Variants in FBXL7 observed in about 807,000 individuals in gnomAD.
FBXL7 encodes the protein F-box and leucine rich repeat protein 7, also known as F-box/LRR-repeat protein 7.
FBXL7 carries 12 observed loss-of-function variants against 38.3 expected under a neutral mutation model. That is an observed-to-expected ratio of 0.31 (90% confidence interval 0.20 to 0.51). The LOEUF (loss-of-function observed/expected upper bound fraction) is 0.51. Ranked by LOEUF, FBXL7 falls within the 20% of genes least tolerant of loss-of-function variation. FBXL7 has a pLI of 0.98. For missense variants in FBXL7, 567 were observed against 676.4 expected (o/e 0.84, Z 1.79); for synonymous variants, 297 against 300.9 (o/e 0.99, Z 0.13).
At chr5:15,621,724 TCAGCTTTGGC>T (rs1740650208) in intron 2 of FBXL7, among the ~76,000 whole-genome samples, 1 of 152,044 alleles carries the variant, frequency 6.6e-6, no homozygotes, top group Non-Finnish European at 1.5e-5. Flanking sequence ...TGATAAAGAG[TCAGCTTTGGC>T]CAGCTGTTCT....
At chr5:15,721,323 TGTGA>T (rs1744188697) in intron 2 of FBXL7, among the ~76,000 whole-genome samples, 1 of 152,190 alleles carries the variant, frequency 6.6e-6, no homozygotes, top group African/African-American at 2.4e-5. Flanking sequence ...TACAGAGATC[TGTGA>T]GTATTACATC....
At chr5:15,805,106 C>T (rs1737673954) in intron 2 of FBXL7, among the ~76,000 whole-genome samples, 1 of 152,122 alleles carries the variant, frequency 6.6e-6, no homozygotes, top group Non-Finnish European at 1.5e-5. Context: ...ATAAGGACAC[C>T]AGTCACATTA....
intron 2 of FBXL7, among the ~76,000 whole-genome samples, chr5:15,807,990 G>A (rs1380199173): frequency 6.6e-6 from 1 of 152,120 alleles, no homozygotes; most frequent in Non-Finnish European, 1.5e-5. Context: ...GGCAGACAGG[G>A]CTCTGCCTGT....
chr5:15,516,756 G>A (rs988754267), intron 1 of FBXL7, among the ~76,000 whole-genome samples: 46 of 152,112 alleles, frequency 3.0e-4, no homozygotes, highest in African/African-American at 1.1e-3. Flanking sequence ...TAGTGAGTGA[G>A]TTCTCACGAG....
intron 1 of FBXL7, among the ~76,000 whole-genome samples, chr5:15,581,717 T>A (rs1739147275): frequency 6.6e-6 from 1 of 152,106 alleles, no homozygotes; most frequent in Non-Finnish European, 1.5e-5. Context: ...TTGGTCTGTC[T>A]CCTTCTTTCC....
chr5:15,501,721 A>G, intron 1 of FBXL7: 2 of 985,484 alleles, frequency 2.0e-6, no homozygotes, highest in Non-Finnish European at 2.4e-6. Context: ...GTGGCCACAG[A>G]ATGTGGGTGT....
At chr5:15,789,604 A>G (rs1026091116) in intron 2 of FBXL7, among the ~76,000 whole-genome samples, 2 of 152,128 alleles carry the variant, frequency 1.3e-5, no homozygotes, top group Non-Finnish European at 2.9e-5. Context: ...CTACCTTGAG[A>G]TCACAGCTTT....
At chr5:15,817,106 C>T (rs1245792521) in intron 2 of FBXL7, among the ~76,000 whole-genome samples, 1 of 152,180 alleles carries the variant, frequency 6.6e-6, no homozygotes, top group African/African-American at 2.4e-5. Flanking sequence ...AAATCGTTTA[C>T]TCTGACTGAA....
chr5:15,929,625 GAAAAAAA>G (rs60269538), intron 3 of FBXL7, among the ~76,000 whole-genome samples: 292 of 113,548 alleles, frequency 2.6e-3, no homozygotes, highest in African/African-American at 7.3e-3. Context: ...CCCTGTCTCT[GAAAAAAA>G]AAAAAAAAAA....
At chr5:15,682,871 T>C (rs1214731245) in intron 2 of FBXL7, among the ~76,000 whole-genome samples, 1 of 152,216 alleles carries the variant, frequency 6.6e-6, no homozygotes, top group Non-Finnish European at 1.5e-5. Flanking sequence ...AAAAATACTT[T>C]ATTGTCTGAG....
chr5:15,799,582 G>A (rs1039070424), intron 2 of FBXL7, among the ~76,000 whole-genome samples: 11 of 152,084 alleles, frequency 7.2e-5, no homozygotes, highest in African/African-American at 2.4e-4. Context: ...GGCTGGTCTC[G>A]AACTCCCAAC....
intron 2 of FBXL7, among the ~76,000 whole-genome samples, chr5:15,859,215 C>G (rs1739367648): frequency 6.6e-6 from 1 of 152,136 alleles, no homozygotes; most frequent in African/African-American, 2.4e-5. Flanking sequence ...GAACTGGGCC[C>G]AGGCTGCAGT....
In FBXL7 at chr5:15,500,567, G is replaced by T. The variant is rs1561006448; in HGVS notation, c.-110G>T. On this transcript the variant is annotated 5_prime_UTR_variant, in exon 1 of 4. Coordinates refer to ENST00000504595, the MANE Select transcript of FBXL7 (RefSeq NM_012304.5). ...GGAGGTCGGCCCCGGAGCTTGGGGG[G>T]GATGTGCAGCTAACGGTCCCGTCGG... 2.7e-6 allele frequency: 4 copies of T among 1,464,460 alleles called. No homozygotes were observed. Among genetic ancestry groups the T allele is most frequent in the South Asian group, 1.1e-5 (1 of 88,224 alleles). 90.7% of individuals were successfully genotyped at this position (1,464,460 alleles called of 1,614,324 possible). A position where few individuals can be genotyped will look rare whatever the true frequency, so the allele number is the denominator to read the frequency against.
At position 15,912,174 on chromosome 5, in the gene FBXL7, G is replaced by A. The variant is rs534659273; in HGVS notation, c.128-15716G>A. On this transcript the variant is annotated intron_variant, in intron 2 of 3. Transcript: ENST00000504595. ...TCAGACTGCCGTGCTAGCAATCAGC[G>A]AGATTCCGTGGGCGTAGGACCCTCT... Among the ~76,000 whole-genome samples, 23 of 62,504 alleles carry A rather than the reference G, an allele frequency of 3.7e-4. No homozygotes were observed. In the East Asian group the frequency reaches 7.1e-3, roughly 19 times the overall value. The allele number at this position is 62,504 out of a possible 152,430, so 41.0% of individuals were successfully genotyped here. A position where few individuals can be genotyped will look rare whatever the true frequency, so the allele number is the denominator to read the frequency against.
At chr5:15,790,836 G>T (rs1737254662) in intron 2 of FBXL7, among the ~76,000 whole-genome samples, 1 of 151,282 alleles carries the variant, frequency 6.6e-6, no homozygotes, top group Non-Finnish European at 1.5e-5. Flanking sequence ...ATGGACTCAA[G>T]ATGTTAATGA....
At chr5:15,596,599 C>T (rs1278005722) in intron 1 of FBXL7, among the ~76,000 whole-genome samples, 1 of 152,154 alleles carries the variant, frequency 6.6e-6, no homozygotes, top group Non-Finnish European at 1.5e-5. Context: ...ATTCCTATTC[C>T]AAACCCACAA....
At chr5:15,915,574 C>G (rs1261530671) in intron 2 of FBXL7, among the ~76,000 whole-genome samples, 1 of 152,198 alleles carries the variant, frequency 6.6e-6, no homozygotes, top group Non-Finnish European at 1.5e-5. Context: ...CTCCTCTTAA[C>G]CTAATACGTC....
At chr5:15,894,328 A>C (rs990808177) in intron 2 of FBXL7, among the ~76,000 whole-genome samples, 3 of 152,256 alleles carry the variant, frequency 2.0e-5, no homozygotes, top group Non-Finnish European at 4.4e-5. Flanking sequence ...CAGAAGGGTC[A>C]AATGGACTTC....
chr5:15,917,347 C>T (rs747410848), intron 2 of FBXL7, among the ~76,000 whole-genome samples: 4 of 152,114 alleles, frequency 2.6e-5, no homozygotes, highest in Non-Finnish European at 4.4e-5. Flanking sequence ...AAAAAAAAAT[C>T]ACACCTGTAA....
Sources: allele counts gnomAD v4.1 joint callset (sites outside exome capture counted in the v4.1 genomes callset), GRCh38; gene constraint gnomAD v4.1.1; transcripts MANE v1.5; gene names NCBI Gene and HGNC (gene_info 2026-07-23, HGNC 2026-07-21).